The following CLCN5 variants were observed in gnomAD, a reference collection of about 807,000 sequenced individuals.
CLCN5 encodes Cl-/H+ antiporter 5.
Under a neutral mutation model 54.0 loss-of-function variants are expected in CLCN5, and 17 were observed. The observed-to-expected ratio is 0.31, with a 90% CI of 0.22 to 0.47. The LOEUF is 0.47. Among genes scored for constraint, CLCN5 ranks in the 20% least tolerant of loss-of-function variants. CLCN5 has a pLI of 1.00. For missense variants in CLCN5, 448 were observed against 646.7 expected, an observed-to-expected ratio of 0.69 and a Z score of 3.33; for synonymous variants, 222 against 233.0, an observed-to-expected ratio of 0.95 and a Z score of 0.43.
chrX:49,985,459 A>G (rs782380877), intron 3 of CLCN5, among the ~76,000 whole-genome samples: 9 of 111,730 alleles, frequency 8.1e-5, no homozygotes, highest in Non-Finnish European at 1.1e-4. Flanking sequence ...CCTGATGATT[A>G]TATTGTATTG....
At chrX:50,088,448 A>G in intron 11 of CLCN5, 1 of 398,326 alleles carries the variant, frequency 2.5e-6, no homozygotes, top group Middle Eastern at 7.1e-4. Context: ...GTTGGTCTGG[A>G]GAGTTCAGGC....
chrX:50,071,404 G>C (rs1557191520), intron 5 of CLCN5, among the ~76,000 whole-genome samples: 3 of 111,910 alleles, frequency 2.7e-5, no homozygotes, highest in Non-Finnish European at 5.6e-5. Flanking sequence ...TAGAATTTCT[G>C]CCATCTGTAA....
intron 4 of CLCN5, chrX:50,067,737 A>G (rs1933081400): frequency 4.0e-6 from 3 of 751,513 alleles, no homozygotes; most frequent in Non-Finnish European, 4.7e-6. Context: ...CTTGAGGCAG[A>G]AAAAAAGAAA....
chrX:49,942,156 GAATT>G (rs1926381652), intron 3 of CLCN5, among the ~76,000 whole-genome samples: 1 of 312 alleles, frequency 3.2e-3, no homozygotes, highest in Non-Finnish European at 6.0e-3. Flanking sequence ...AAATTAGAAT[GAATT>G]CGAGTGGCAT....
chrX:50,038,446 G>C (rs1932087697), intron 3 of CLCN5, among the ~76,000 whole-genome samples: 1 of 111,319 alleles, frequency 9.0e-6, no homozygotes, highest in African/African-American at 3.3e-5. Flanking sequence ...CCTCTAACAG[G>C]ATGCAAATAG....
At chrX:50,044,599 G>A (rs1434627746) in intron 4 of CLCN5, among the ~76,000 whole-genome samples, 1 of 111,149 alleles carries the variant, frequency 9.0e-6, no homozygotes, top group African/African-American at 3.3e-5. Context: ...GTTCTTATAG[G>A]TTTGGGATAG....
chrX:50,078,377 CA>C (rs1557192504), intron 7 of CLCN5, among the ~76,000 whole-genome samples: 1 of 111,220 alleles, frequency 9.0e-6, no homozygotes, highest in Non-Finnish European at 1.9e-5. Context: ...TAGGAAGTTG[CA>C]AAACAATGTA....
intron 11 of CLCN5, 26 bp downstream of exon 11, chrX:50,086,896 G>A: frequency 8.4e-7 from 1 of 1,184,523 alleles, no homozygotes; most frequent in Non-Finnish European, 1.1e-6. Flanking sequence ...GGGACTCAGT[G>A]GCTGCATGCG....
At chrX:50,062,865 C>T (rs1304569148) in intron 4 of CLCN5, among the ~76,000 whole-genome samples, 12 of 106,043 alleles carry the variant, frequency 1.1e-4, no homozygotes, top group African/African-American at 1.8e-4. Context: ...CACTCAAAGC[C>T]GCTCAACTAC....
Position 50,090,346 on chromosome X carries a change from C to T in CLCN5, c.1975C>T (p.Arg659Trp), listed in dbSNP as rs782594764. 8 of 1,211,170 alleles carry T rather than the reference C, an allele frequency of 6.6e-6. No individual in the cohort carries two copies. The highest frequency in any genetic ancestry group is 3.5e-5 in the African/African-American group (2 of 57,666). ...KTLAMDVMKP[R>W]RNDPLLTVLT... Reference sequence around the variant, plus strand: ...CCTGGCAATGGATGTGATGAAACCCCGGAGAAATGATCCTTTGTTGACTGT... The same window carrying T: ...CCTGGCAATGGATGTGATGAAACCCTGGAGAAATGATCCTTTGTTGACTGT... Residue 659 changes from arginine (R) to tryptophan (W), a missense_variant, in exon 13 of 15, where the codon CGG becomes TGG. By Grantham distance (101) the Arg-to-Trp change is moderately radical (BLOSUM62 -3). Around this residue, in one of 5 missense-constraint regions of CLCN5, gnomAD observed 297 missense variants for 470.4 expected, o/e 0.63. Coordinates refer to ENST00000376091, the MANE Select transcript of CLCN5 (RefSeq NM_001127898.4).
chrX:50,033,271 A>G (rs1284558080), intron 3 of CLCN5, among the ~76,000 whole-genome samples: 2 of 111,403 alleles, frequency 1.8e-5, no homozygotes, highest in South Asian at 3.8e-4. Context: ...AGAAAACCCC[A>G]TTGTCTCAGC....
At chrX:49,990,833 C>T (rs868955184) in intron 3 of CLCN5, among the ~76,000 whole-genome samples, 1,385 of 112,331 alleles carry the variant, frequency 0.012, 16 homozygotes, top group African/African-American at 0.042. Context: ...AGTAACTTTA[C>T]TTAGAATAAT....
chrX:50,057,140 T>C (rs915366565), intron 4 of CLCN5, among the ~76,000 whole-genome samples: 2 of 110,495 alleles, frequency 1.8e-5, no homozygotes, highest in African/African-American at 6.6e-5. Context: ...ACTGGGGCAG[T>C]GTCCTGGAGC....
intron 3 of CLCN5, among the ~76,000 whole-genome samples, chrX:49,970,362 T>G (rs1399192632): frequency 1.8e-5 from 2 of 111,215 alleles, no homozygotes; most frequent in Non-Finnish European, 3.8e-5. Context: ...CACAATCTAA[T>G]TTAAAAACAT....
At chrX:49,949,235 T>C (rs181067417) in intron 3 of CLCN5, among the ~76,000 whole-genome samples, 482 of 112,300 alleles carry the variant, frequency 4.3e-3, no homozygotes, top group South Asian at 0.01. Flanking sequence ...GTTACTGGCA[T>C]CTAGTGGGAA....
chrX:50,087,393 G>A (rs1981376761), intron 11 of CLCN5, among the ~76,000 whole-genome samples: 1 of 111,491 alleles, frequency 9.0e-6, no homozygotes, highest in African/African-American at 3.3e-5. Context: ...ATGTTCAGTT[G>A]TCAAGAAGTG....
rs77493896 is a variant in CLCN5 at position 50,002,663 on chromosome X, G to C, written c.17-39653G>C. ...TCTCTCTGTCTCTGTCTCTGTCTCT[G>C]TCTCTCTCTCTCTCTCTCTGTGTGT... On this transcript the variant is annotated intron_variant, in intron 3 of 14. Transcript: ENST00000376091. Among the ~76,000 whole-genome samples, 169 of 92,745 alleles carry C rather than the reference G, an allele frequency of 1.8e-3. 1 individual carries two copies. The highest frequency in any genetic ancestry group is 6.7e-3 in the African/African-American group (134 of 19,930). 80.5% of individuals were successfully genotyped at this position (92,745 alleles called of 115,157 possible).
chrX:50,014,573 C>T (rs782058424), intron 3 of CLCN5: 4 of 340,256 alleles, frequency 1.2e-5, no homozygotes, highest in Non-Finnish European at 1.2e-5. Context: ...GCTTCGAGCA[C>T]GGCAGGTGCC....
chrX:50,044,773 C>G (rs191809263), intron 4 of CLCN5, among the ~76,000 whole-genome samples: 1 of 111,171 alleles, frequency 9.0e-6, no homozygotes, highest in Non-Finnish European at 1.9e-5. Context: ...GACCATTGTG[C>G]GGCCACCTCA....
Sources: allele counts gnomAD v4.1 joint callset (sites outside exome capture counted in the v4.1 genomes callset), GRCh38; gene constraint gnomAD v4.1.1; regional missense constraint gnomAD v4.1.1; transcripts MANE v1.5; gene names NCBI Gene and HGNC (gene_info 2026-07-23, HGNC 2026-07-21).